CYP2S1: variants seen among roughly 807,000 people sequenced by gnomAD.
CYP2S1 encodes the protein cytochrome P450 family 2 subfamily S member 1.
CYP2S1 carries 32 observed loss-of-function variants against 43.5 expected under a neutral mutation model. The observed-to-expected ratio is 0.74, with a 90% CI of 0.56 to 0.99. The LOEUF is 0.99. CYP2S1 is among the 50% of genes least tolerant of loss of function. The pLI, the probability that CYP2S1 is intolerant of heterozygous loss-of-function variation, is 0.00. For synonymous variants in CYP2S1, 283 were observed against 302.9 expected, an observed-to-expected ratio of 0.93 and a Z score of 0.68; for missense variants, 575 against 673.9, an observed-to-expected ratio of 0.85 and a Z score of 1.62.
chr19:41,204,052 G>A (rs1599715816), intron 7 of CYP2S1, among the ~76,000 whole-genome samples: 3 of 152,074 alleles, frequency 2.0e-5, no homozygotes, highest in South Asian at 4.2e-4. Flanking sequence ...TAGTAGACAC[G>A]GGGTTTCATT....
In CYP2S1 at chr19:41,198,538, C is replaced by A. The variant is rs1405910282; in HGVS notation, c.570C>A (p.Arg190=). Residue 190 remains arginine, a synonymous_variant, in exon 4 of 9, where the codon CGC becomes CGA. Transcript: ENST00000310054. The surrounding 1 kb of genome is among the most constrained non-coding windows in gnomAD (Gnocchi z 4.9). ...TCTGCTCCCTCCTCTTTGGCCTCCG[C>A]TTCTCCTATGAGGATAAGGAGTTCC... The part of the protein sequence containing the change: ...NVVCSLLFGL[R]FSYEDKEFQA... The A allele has an allele frequency of 1.2e-6, 2 of 1,614,200 alleles. No homozygotes were observed. The highest frequency in any genetic ancestry group is 2.2e-5 in the South Asian group (2 of 91,088).
Position 41,197,938 on chromosome 19 carries a change from G to A in CYP2S1, c.493+10G>A. The A allele has an allele frequency of 1.9e-6, 3 of 1,606,800 alleles. No individual in the cohort carries two copies. Among genetic ancestry groups the A allele is most frequent in the Non-Finnish European group, 2.5e-6 (3 of 1,177,130 alleles). The stretch of plus-strand genomic sequence containing the variant: ...TTCCAGGGGACAGAAGGTCAGCATG[G>A]CGGGGTCACCCCAGGGTCTCCAGCC... On this transcript the variant is annotated intron_variant, in intron 3 of 8. Transcript: ENST00000310054.
rs1330313986 is a variant in CYP2S1, at chr19:41,206,550, T to C, written c.*62T>C. ...GTGCCTCCAGCCTCAACAGTGGGCA[T>C]GGACAGGGTTAATGTCTCCAGAGTG... On this transcript the variant is annotated 3_prime_UTR_variant, in exon 9 of 9. Transcript: ENST00000310054. The C allele has an allele frequency of 2.5e-6, 4 of 1,587,270 alleles. No individual in the cohort carries two copies. Among genetic ancestry groups the C allele is most frequent in the Non-Finnish European group, 2.6e-6 (3 of 1,156,484 alleles).
In CYP2S1 at chr19:41,198,988, T is replaced by C. The variant is rs1195980861; in HGVS notation, c.834+100T>C. The C allele has an allele frequency of 1.5e-5, 21 of 1,372,746 alleles. No individual in the cohort carries two copies. The highest frequency in any genetic ancestry group is 1.0e-4 in the African/African-American group (6 of 59,300). 85.0% of individuals were successfully genotyped at this position (1,372,746 alleles called of 1,614,324 possible). On this transcript the variant is annotated intron_variant, in intron 5 of 8. Transcript: ENST00000310054. The surrounding 1 kb of genome is among the most constrained non-coding windows in gnomAD (Gnocchi z 4.9). ...GGGACCTCAATTGGGTTCCTCTCTC[T>C]TTCTCTCTCTGCATGTCTCTGTGAG...
intron 5 of CYP2S1, among the ~76,000 whole-genome samples, chr19:41,199,435 C>T (rs2033459986): frequency 6.6e-6 from 1 of 151,586 alleles, no homozygotes. Flanking sequence ...GGCTAGAGTA[C>T]AGTTGCAAAA....
At position 41,203,487 on chromosome 19, in the gene CYP2S1, T is replaced by G. The variant is rs770099961; in HGVS notation, c.1014T>G (p.Ala338=). The change falls in exon 7 of 9, where the codon GCT becomes GCG. Residue 338 remains alanine, a synonymous_variant. Coordinates refer to ENST00000310054, the MANE Select transcript of CYP2S1 (RefSeq NM_030622.8). ...AGGAGCTGAATCGGGAGCTGGGGGC[T>G]GGCCAGGCACCAAGCCTAGGGGACC... ...VREELNRELG[A]GQAPSLGDRT... 3.7e-6 allele frequency: 6 copies of G among 1,608,222 alleles called. No homozygotes were observed. In the South Asian group the frequency reaches 6.7e-5, roughly 18 times the overall value.
At chr19:41,195,417 C>T (rs767146698) in intron 2 of CYP2S1, among the ~76,000 whole-genome samples, 1 of 152,126 alleles carries the variant, frequency 6.6e-6, no homozygotes, top group Non-Finnish European at 1.5e-5. Flanking sequence ...TGCTGCTTCC[C>T]CAGCGCACCT....
intron 5 of CYP2S1, 70 bp from the exon 6 acceptor site, chr19:41,201,161 G>C: frequency 6.4e-7 from 1 of 1,554,030 alleles, no homozygotes; most frequent in East Asian, 2.3e-5. Flanking sequence ...CCGACCCCAG[G>C]CTTGGCTGTT....
At chr19:41,205,493 T>C (rs2033563583) in intron 7 of CYP2S1, among the ~76,000 whole-genome samples, 1 of 150,358 alleles carries the variant, frequency 6.7e-6, no homozygotes, top group Non-Finnish European at 1.5e-5. Context: ...CTTCCTCCCT[T>C]CCTCCCTTCC....
Position 41,203,609 on chromosome 19 carries a change from C to T in CYP2S1, c.1136C>T (p.Thr379Ile). Residue 379 changes from threonine (T) to isoleucine (I), a missense_variant, in exon 7 of 9, where the codon ACC (threonine) becomes ATC (isoleucine). Transcript: ENST00000310054. Reference protein sequence around the residue: ...MGIPRTLMRTTRFRGYTLPQG... With the variant: ...MGIPRTLMRTIRFRGYTLPQG... The stretch of plus-strand genomic sequence containing the variant: ...ATACCCCGCACCCTCATGCGGACCA[C>T]CCGCTTCCGAGGGTACACCCTGCCC... 1.3e-6 allele frequency: 2 copies of T among 1,549,338 alleles called. No homozygotes were observed. The highest frequency in any genetic ancestry group is 1.4e-5 in the African/African-American group (1 of 73,092).
rs2033371199 is a variant in CYP2S1, at chr19:41,193,663, C to T, written c.177+222C>T. The T allele has an allele frequency of 4.3e-6, 4 of 934,542 alleles. No homozygotes were observed. In the African/African-American group the frequency reaches 6.9e-5, roughly 16 times the overall value. 57.9% of individuals were successfully genotyped at this position (934,542 alleles called of 1,614,324 possible). ...GAGAGAGGATCGTGGGGTGGGGGAC[C>T]AGGGCTAGGAGGGGCAGAGACCTCT... On this transcript the variant is annotated intron_variant, in intron 1 of 8. Transcript: ENST00000310054.
intron 7 of CYP2S1, among the ~76,000 whole-genome samples, chr19:41,205,414 TTCTTTCTC>T (rs2033559290): frequency 3.3e-5 from 2 of 60,826 alleles, no homozygotes; most frequent in Non-Finnish European, 5.7e-5. Flanking sequence ...CTTTCTTTCT[TTCTTTCTC>T]TCTCTCTCTC....
chr19:41,205,927 G>T (rs762821449), intron 7 of CYP2S1, 31 bp from the exon 8 acceptor site: 33 of 1,609,822 alleles, frequency 2.0e-5, no homozygotes, highest in Non-Finnish European at 2.6e-5. Flanking sequence ...GGTGGGAAGG[G>T]GTTTATAGTT....
At chr19:41,200,691 T>C (rs2122160967) in intron 5 of CYP2S1, among the ~76,000 whole-genome samples, 1 of 152,332 alleles carries the variant, frequency 6.6e-6, no homozygotes, top group East Asian at 1.9e-4. Flanking sequence ...AGACTCTTGA[T>C]ATTAGTTCTC....
At chr19:41,196,520 C>T (rs920199427) in intron 2 of CYP2S1, among the ~76,000 whole-genome samples, 7 of 151,822 alleles carry the variant, frequency 4.6e-5, no homozygotes, top group East Asian at 1.9e-4. Flanking sequence ...CTGGGAGGTC[C>T]GCGGTGATGG....
chr19:41,193,574 C>A (rs2033370249), intron 1 of CYP2S1, 133 bp downstream of exon 1: 2 of 1,349,416 alleles, frequency 1.5e-6, no homozygotes, highest in Non-Finnish European at 1.9e-6. Flanking sequence ...AAAGGGGCTG[C>A]TGCTGTCCTG....
intron 5 of CYP2S1, 123 bp from the exon 6 acceptor site, chr19:41,201,108 A>C: frequency 4.4e-6 from 6 of 1,359,832 alleles, no homozygotes; most frequent in Non-Finnish European, 5.9e-6. Flanking sequence ...CAACCTTCCC[A>C]AAAATTTATC....
At position 41,198,814 on chromosome 19, in the gene CYP2S1, C is replaced by G. The variant is rs746988329; in HGVS notation, c.760C>G (p.Gln254Glu). ...TGCCTTCACAGTCCGGCAGGTGCAG[C>G]AGCACCAGGGGAACCTGGATGCTTC... The part of the protein sequence containing the change: ...LAAFTVRQVQ[Q>E]HQGNLDASGP... Residue 254 changes from glutamine to glutamate, a missense_variant, in exon 5 of 9, where the codon CAG becomes GAG. Gln to Glu is a conservative substitution (Grantham distance 29). Coordinates refer to ENST00000310054, the MANE Select transcript of CYP2S1 (RefSeq NM_030622.8). This position sits in a 1 kb window ranked among gnomAD's most constrained non-coding sequence, Gnocchi z 4.9. 2 of 1,614,216 alleles carry G rather than the reference C, an allele frequency of 1.2e-6. No homozygotes were observed. The highest frequency in any genetic ancestry group is 2.2e-5 in the South Asian group (2 of 91,084).
chr19:41,206,265 CT>C lies in CYP2S1; in HGVS notation c.1307-14del. ...AATACTGACTCAGCCCTCTCTCTCT[CT>C]CTCTCCTCACCAGGGAAGCGTGTCT... On this transcript the variant is annotated splice_polypyrimidine_tract_variant and intron_variant, in intron 8 of 8. Transcript: ENST00000310054. 6.2e-7 allele frequency: 1 copy of C among 1,613,982 alleles called. No individual in the cohort carries two copies. Among genetic ancestry groups the C allele is most frequent in the Non-Finnish European group, 8.5e-7 (1 of 1,180,002 alleles).
Sources: gnomAD v4.1 joint callset for allele counts (sites outside exome capture counted in the v4.1 genomes callset) on GRCh38, gnomAD v4.1.1 for gene constraint, Gnocchi (gnomAD v3.1) non-coding constraint, MANE v1.5 for transcripts, NCBI Gene and HGNC (gene_info 2026-07-23, HGNC 2026-07-21) for gene names.